ZNF385D: variants seen among roughly 807,000 people sequenced by gnomAD.
The protein encoded by ZNF385D is zinc finger protein 659.
In ZNF385D, 15 loss-of-function variants were observed where a neutral mutation model predicts 35.8. The ratio of observed to expected loss-of-function variants is 0.42; its 90% CI spans 0.28 to 0.64. The LOEUF is 0.64. ZNF385D is among the 30% of genes least tolerant of loss of function. The probability of loss-of-function intolerance (pLI) is 0.23; values close to 1 mark genes in which losing one functional copy is unlikely to be tolerated. For synonymous variants in ZNF385D, 212 were observed against 186.8 expected (o/e 1.13, Z -1.10); for missense variants, 474 against 494.6 (o/e 0.96, Z 0.39).
At chr3:21,927,857 T>C (rs1339833649) in intron 3 of ZNF385D, among the ~76,000 whole-genome samples, 7 of 152,078 alleles carry the variant, frequency 4.6e-5, no homozygotes, top group Non-Finnish European at 8.8e-5. Flanking sequence ...TCAATGACAA[T>C]AGTTGCAGAC....
chr3:21,549,375 C>A lies in ZNF385D; in HGVS notation c.276+15199G>T, dbSNP rs1299114266. ...GCTCATTTTCTCTTGAAATCCCTAG[C>A]AGCTAAACCCAGTATTTTTTGCTCT... On this transcript the variant is annotated intron_variant, in intron 3 of 7. Transcript: ENST00000281523. Among the ~76,000 whole-genome samples the A allele has an allele frequency of 1.2e-4, 18 of 152,314 alleles. No individual in the cohort carries two copies. The East Asian group carries it at 2.9e-3, about 25-fold the overall frequency.
chr3:21,853,286 G>T lies in ZNF385D; in HGVS notation c.326-188258C>A, dbSNP rs576223077. On this transcript the variant is annotated intron_variant, in intron 3 of 5. Transcript: ENST00000494108. ...TCCATAAAAGGACAGTAAAAGGTCT[G>T]GAAAAGTCTGTCTTCTTTTATAAAT... Among the ~76,000 whole-genome samples the T allele has an allele frequency of 4.0e-5, 6 of 151,864 alleles. No homozygotes were observed. The East Asian group carries it at 1.2e-3, about 29-fold the overall frequency.
At chr3:22,122,508 T>C (rs12491129) in intron 3 of ZNF385D, among the ~76,000 whole-genome samples, 6,113 of 152,220 alleles carry the variant, frequency 0.04, 193 homozygotes, top group Non-Finnish European at 0.058. Flanking sequence ...GCACTAAATA[T>C]ATGTCAGAAT....
intron 3 of ZNF385D, among the ~76,000 whole-genome samples, chr3:22,151,333 G>T (rs1480714772): frequency 6.6e-6 from 1 of 152,082 alleles, no homozygotes; most frequent in African/African-American, 2.4e-5. Flanking sequence ...AATGTCTAAT[G>T]TCAGGTGGAA....
At chr3:22,020,855 C>T (rs1697182032) in intron 3 of ZNF385D, among the ~76,000 whole-genome samples, 1 of 151,814 alleles carries the variant, frequency 6.6e-6, no homozygotes, top group South Asian at 2.1e-4. Context: ...GTCACAACAG[C>T]AAAGATATGG....
At chr3:22,248,403 AGAG>A (rs1559477858) in intron 2 of ZNF385D, among the ~76,000 whole-genome samples, 1 of 152,190 alleles carries the variant, frequency 6.6e-6, no homozygotes, top group Non-Finnish European at 1.5e-5. Context: ...CTGAGGATAT[AGAG>A]AAGAAAGTAG....
chr3:21,973,924 G>A (rs1323909412), intron 3 of ZNF385D, among the ~76,000 whole-genome samples: 4 of 151,886 alleles, frequency 2.6e-5, no homozygotes, highest in Non-Finnish European at 2.9e-5. Flanking sequence ...AATTGAAGAG[G>A]TCAAAAAAAT....
At chr3:21,866,392 T>TGCAGTGAGCCAAGATCGCAATC (rs1697365052) in intron 3 of ZNF385D, among the ~76,000 whole-genome samples, 1 of 152,082 alleles carries the variant, frequency 6.6e-6, no homozygotes, top group Non-Finnish European at 1.5e-5. Context: ...AGGTGGAGGT[T>TGCAGTGAGCCAAGATCGCAATC]GCAGTGAGCC....
chr3:21,901,703 C>G (rs1278905884), intron 3 of ZNF385D, among the ~76,000 whole-genome samples: 9 of 152,142 alleles, frequency 5.9e-5, no homozygotes, highest in Admixed American at 1.3e-4. Flanking sequence ...AGCACCAAAG[C>G]TTACGTGTTC....
intron 2 of ZNF385D, among the ~76,000 whole-genome samples, chr3:21,655,328 A>C (rs1282608485): frequency 6.6e-6 from 1 of 152,160 alleles, no homozygotes; most frequent in South Asian, 2.1e-4. Flanking sequence ...CATAGAACTC[A>C]AATCTTTTAG....
chr3:22,011,305 T>C (rs1437548966), intron 3 of ZNF385D, among the ~76,000 whole-genome samples: 1 of 152,102 alleles, frequency 6.6e-6, no homozygotes, highest in East Asian at 1.9e-4. Flanking sequence ...GTATTCTTAT[T>C]TTAGAAAAAA....
At chr3:22,322,258 C>T (rs59015316) in intron 2 of ZNF385D, among the ~76,000 whole-genome samples, 9,760 of 152,116 alleles carry the variant, frequency 0.064, 921 homozygotes, top group African/African-American at 0.21. Context: ...ATAGTCTTTC[C>T]ACAAAAATTT....
rs78412312 is a variant in ZNF385D, at chr3:21,711,542, T to C, written c.22+39353A>G. Among the ~76,000 whole-genome samples the C allele has an allele frequency of 2.0e-3, 302 of 152,292 alleles. 2 individuals carry two copies. The East Asian group carries it at 0.036, about 18-fold the overall frequency. On this transcript the variant is annotated intron_variant, in intron 1 of 7. Transcript: ENST00000281523. ...TCTGTTAAAAGTAATCCAGTTCAGA[T>C]AGCCCCAGAACCCATACATCATTGA...
intron 3 of ZNF385D, among the ~76,000 whole-genome samples, chr3:21,886,626 C>T (rs1461350339): frequency 2.6e-5 from 4 of 152,020 alleles, no homozygotes; most frequent in East Asian, 1.9e-4. Flanking sequence ...TAAAATGCTA[C>T]ATTGTCTGTA....
intron 4 of ZNF385D, among the ~76,000 whole-genome samples, chr3:21,462,070 C>G (rs1703214773): frequency 1.3e-5 from 2 of 152,150 alleles, no homozygotes; most frequent in Admixed American, 1.3e-4. Flanking sequence ...TGAAGTTTGA[C>G]AGTTTGGCAC....
chr3:22,265,428 T>C (rs1262462840), intron 2 of ZNF385D, among the ~76,000 whole-genome samples: 1 of 152,010 alleles, frequency 6.6e-6, no homozygotes, highest in Non-Finnish European at 1.5e-5. Flanking sequence ...GAACTCTTTG[T>C]ATCTAAATAA....
intron 2 of ZNF385D, among the ~76,000 whole-genome samples, chr3:21,616,885 T>C (rs1470335168): frequency 3.9e-5 from 6 of 152,354 alleles, no homozygotes; most frequent in South Asian, 2.1e-4. Flanking sequence ...TCATCACTTA[T>C]GAAAATGCAA....
intron 3 of ZNF385D, among the ~76,000 whole-genome samples, chr3:21,907,718 TTCAG>T (rs1442193264): frequency 2.0e-5 from 3 of 152,124 alleles, no homozygotes; most frequent in Non-Finnish European, 4.4e-5. Flanking sequence ...GTCATCAATA[TTCAG>T]TATTATTATT....
intron 4 of ZNF385D, among the ~76,000 whole-genome samples, chr3:21,478,378 T>C (rs1204016060): frequency 3.9e-5 from 6 of 152,036 alleles, no homozygotes; most frequent in African/African-American, 1.4e-4. Context: ...GCAATTGACT[T>C]TGGTAAAAAG....
Sources: allele counts gnomAD v4.1 joint callset (sites outside exome capture counted in the v4.1 genomes callset), GRCh38; gene constraint gnomAD v4.1.1; transcripts MANE v1.5; gene names NCBI Gene and HGNC (gene_info 2026-07-23, HGNC 2026-07-21).